The following SLC2A11 variants were observed in gnomAD, a reference collection of about 807,000 sequenced individuals.
The protein encoded by SLC2A11 is solute carrier family 2 member 11.
In SLC2A11, 43 loss-of-function variants were observed where a neutral mutation model predicts 52.1. The observed-to-expected ratio is 0.82, with a 90% confidence interval of 0.65 to 1.06. The LOEUF (loss-of-function observed/expected upper bound fraction) is 1.06. SLC2A11 is among the 50% of genes least tolerant of loss of function. The probability of loss-of-function intolerance (pLI) is 0.00; values close to 1 mark genes in which losing one functional copy is unlikely to be tolerated. For missense variants in SLC2A11, 582 were observed against 654.2 expected (o/e 0.89, Z 1.20); for synonymous variants, 261 against 277.6 (o/e 0.94, Z 0.59).
rs112375547 is a variant in SLC2A11, at chr22:23,876,986, C to T, written c.416-56C>T. 2.5e-3 allele frequency: 4,061 copies of T among 1,611,726 alleles called. 67 individuals carry two copies. In the African/African-American group the frequency reaches 0.038, roughly 15 times the overall value. ...GGGGCAGGGGAGACAGGCTGGGTGT[C>T]GTGGAGTGGGGGTCCCAGCTGGTGG... On this transcript the variant is annotated intron_variant, in intron 4 of 11. Transcript: ENST00000316185.
At chr22:23,879,266 T>C (rs531852069) in intron 6 of SLC2A11, among the ~76,000 whole-genome samples, 5 of 152,242 alleles carry the variant, frequency 3.3e-5, no homozygotes, top group African/African-American at 1.2e-4. Flanking sequence ...TTCTTGTTTT[T>C]TTGGTTTTGT....
intron 2 of SLC2A11, chr22:23,867,440 C>T (rs939901242): frequency 8.2e-5 from 19 of 232,350 alleles, no homozygotes; most frequent in Admixed American, 2.0e-4. Flanking sequence ...TGAGGTGATA[C>T]GCCCATCTCG....
intron 2 of SLC2A11, chr22:23,867,953 C>G (rs944819070): frequency 1.2e-5 from 4 of 331,796 alleles, no homozygotes; most frequent in Non-Finnish European, 2.5e-5. Context: ...ATTATCAAAC[C>G]CACAGAAAGG....
chr22:23,864,830 G>C (rs2032198932), intron 2 of SLC2A11, among the ~76,000 whole-genome samples: 1 of 152,144 alleles, frequency 6.6e-6, no homozygotes, highest in Admixed American at 6.5e-5. Context: ...TATTCAGGCT[G>C]GGCGTGGTGG....
At position 23,885,307 on chromosome 22, in the gene SLC2A11, A is replaced by G. The variant is rs188159063; in HGVS notation, c.*458A>G. ...GAGTTCAAGGTAGCAGTAAGCTACA[A>G]TCACACCACTGCATGCCAGACTGGG... On this transcript the variant is annotated 3_prime_UTR_variant, in exon 12 of 12. Transcript: ENST00000316185. 2.3e-4 allele frequency: 48 copies of G among 206,060 alleles called. No homozygotes were observed. Among genetic ancestry groups the G allele is most frequent in the Middle Eastern group, 1.8e-3 (1 of 562 alleles). 12.8% of individuals were successfully genotyped at this position (206,060 alleles called of 1,614,324 possible).
At chr22:23,879,777 C>T (rs533095546) in intron 6 of SLC2A11, 3 of 152,604 alleles carry the variant, frequency 2.0e-5, no homozygotes, top group Admixed American at 6.5e-5. Context: ...TAGGCACACA[C>T]CACTATGCGT....
chr22:23,866,303 G>C (rs2032263631), intron 2 of SLC2A11: 1 of 154,262 alleles, frequency 6.5e-6, no homozygotes, highest in South Asian at 2.1e-4. Flanking sequence ...CCTGTGGACA[G>C]TTCCTCCCCC....
In SLC2A11 at chr22:23,862,151, T is replaced by C. The variant is rs760154034; in HGVS notation, c.78T>C (p.Gly26=). Residue 26 remains glycine (G), a synonymous_variant, in exon 2 of 12, where the codon GGT becomes GGC. Coordinates refer to ENST00000316185, the MANE Select transcript of SLC2A11 (RefSeq NM_001024939.4). Reference sequence around the variant, plus strand: ...TGACCATCTGCGCTGCCGGCATTGGTGGGACTTTTCAGTTTGGCTATAACC... The same window carrying C: ...TGACCATCTGCGCTGCCGGCATTGGCGGGACTTTTCAGTTTGGCTATAACC... ...LLLTICAAGI[G]GTFQFGYNLS... 1.2e-6 allele frequency: 2 copies of C among 1,614,004 alleles called. No individual in the cohort carries two copies. Among genetic ancestry groups the C allele is most frequent in the Non-Finnish European group, 1.7e-6 (2 of 1,180,026 alleles).
rs1379169724 is a variant in SLC2A11, at chr22:23,862,119, C to G, written c.46C>G (p.Leu16Val). The stretch of plus-strand genomic sequence containing the variant: ...CTCTCCTCAGATTCAGGGCAGGATC[C>G]TGCTCCTGACCATCTGCGCTGCCGG... ...LRSRMIQGRI[L>V]LLTICAAGIG... is the part of the protein sequence containing the mutation. Residue 16 changes from leucine (L) to valine (V), a missense_variant, in exon 2 of 12, where the codon CTG (leucine) becomes GTG (valine). Transcript: ENST00000316185. 1.2e-6 allele frequency: 2 copies of G among 1,614,042 alleles called. No individual in the cohort carries two copies. The highest frequency in any genetic ancestry group is 1.3e-5 in the African/African-American group (1 of 74,928).
intron 1 of SLC2A11, among the ~76,000 whole-genome samples, chr22:23,858,616 C>G (rs543246747): frequency 7.9e-4 from 120 of 152,290 alleles, no homozygotes; most frequent in Non-Finnish European, 1.4e-3. Context: ...GTGGGAGGAT[C>G]GCCCAGGAGT....
chr22:23,864,619 A>G (rs1000246526), intron 2 of SLC2A11, among the ~76,000 whole-genome samples: 11 of 151,900 alleles, frequency 7.2e-5, no homozygotes, highest in Non-Finnish European at 1.5e-5. Context: ...TGGTTTATTT[A>G]TTCATTAATT....
In SLC2A11 at chr22:23,880,891, A is replaced by C. The variant is rs557812779; in HGVS notation, c.695-1568A>C. On this transcript the variant is annotated intron_variant, in intron 6 of 11. Transcript: ENST00000316185. ...CTAACAGCAACCAGTTCATGCTTTC[A>C]ACATTTGGAGTTTTCTTTGCTCAAG... 3.3e-5 allele frequency: 5 copies of C among 152,194 alleles called. No homozygotes were observed. In the East Asian group the frequency reaches 9.6e-4, roughly 29 times the overall value. The allele number at this position is 152,194 out of a possible 1,614,324, so 9.4% of individuals were successfully genotyped here.
intron 1 of SLC2A11, among the ~76,000 whole-genome samples, chr22:23,861,002 CG>C: frequency 6.6e-6 from 1 of 151,978 alleles, no homozygotes. Flanking sequence ...CCCGCCACCA[CG>C]CCTGGCTAAT....
intron 3 of SLC2A11, chr22:23,871,125 G>C (rs2032439024): frequency 6.6e-6 from 1 of 152,034 alleles, no homozygotes; most frequent in Non-Finnish European, 1.5e-5. Flanking sequence ...AAAGGGACAG[G>C]CCGGGTGCAG....
At chr22:23,858,249 A>G (rs2031927959) in intron 1 of SLC2A11, 2 of 726,642 alleles carry the variant, frequency 2.8e-6, no homozygotes, top group Non-Finnish European at 4.9e-6. Flanking sequence ...AGGTTGCTGG[A>G]CCCTGGCATC....
At chr22:23,875,262 A>G (rs12157360) in intron 4 of SLC2A11, 21 bp downstream of exon 4, 228,341 of 1,397,438 alleles carry the variant, frequency 0.16, 19,521 homozygotes, top group African/African-American at 0.26. Context: ...GGGGCTTCTC[A>G]TCCTGCCTCT....
intron 2 of SLC2A11, among the ~76,000 whole-genome samples, chr22:23,863,820 G>A (rs1365771224): frequency 6.6e-6 from 1 of 151,958 alleles, no homozygotes; most frequent in Non-Finnish European, 1.5e-5. Flanking sequence ...TAGTAGAGAT[G>A]GGGTCTCATC....
intron 6 of SLC2A11, 47 bp from the exon 7 acceptor site, chr22:23,882,412 A>C: frequency 6.8e-7 from 1 of 1,466,120 alleles, no homozygotes; most frequent in Non-Finnish European, 9.0e-7. Context: ...GGGGGACCAA[A>C]GAGGGGCTTG....
Position 23,884,566 on chromosome 22 carries a change from T to G in SLC2A11, c.1300-83T>G. 16 of 1,541,006 alleles carry G rather than the reference T, an allele frequency of 1.0e-5. No individual in the cohort carries two copies. The highest frequency in any genetic ancestry group is 1.4e-5 in the Non-Finnish European group (16 of 1,140,118). ...TTAGGGGAGCAAAGAGGGGGGCAAA[T>G]GCCTCCTCACGACCTGTCATGGGCC... On this transcript the variant is annotated intron_variant, in intron 11 of 11. Transcript: ENST00000316185. The surrounding 1 kb of genome is among the most constrained non-coding windows in gnomAD (Gnocchi z 4.3).
Sources: allele counts gnomAD v4.1 joint callset (sites outside exome capture counted in the v4.1 genomes callset), GRCh38; gene constraint gnomAD v4.1.1; non-coding constraint Gnocchi (gnomAD v3.1); transcripts MANE v1.5; gene names NCBI Gene and HGNC (gene_info 2026-07-23, HGNC 2026-07-21).